SCARB1: variants seen among roughly 807,000 people sequenced by gnomAD.
The protein encoded by SCARB1 is CD36 and LIMPII analogous 1.
Under a neutral mutation model 57.2 loss-of-function variants are expected in SCARB1, and 30 were observed. The observed-to-expected ratio is 0.52, with a 90% CI of 0.39 to 0.71. The LOEUF (loss-of-function observed/expected upper bound fraction) is 0.71. Among genes scored for constraint, SCARB1 ranks in the 30% least tolerant of loss-of-function variants. The pLI is 0.00. For missense variants in SCARB1, 543 were observed against 671.2 expected (o/e 0.81, Z 2.11); for synonymous variants, 249 against 268.3 (o/e 0.93, Z 0.70).
intron 1 of SCARB1, among the ~76,000 whole-genome samples, chr12:124,829,706 C>T (rs1362697602): frequency 6.6e-6 from 1 of 152,210 alleles, no homozygotes; most frequent in African/African-American, 2.4e-5. Flanking sequence ...AGTCTAAAGT[C>T]ACTTTCTCCG....
intron 8 of SCARB1, among the ~76,000 whole-genome samples, chr12:124,799,494 C>T (rs766362482): frequency 2.7e-4 from 41 of 151,790 alleles, no homozygotes; most frequent in Non-Finnish European, 4.4e-4. Flanking sequence ...GCCACTGCAC[C>T]CCAGCCTGGG....
intron 7 of SCARB1, among the ~76,000 whole-genome samples, chr12:124,802,104 T>C (rs4765610): frequency 0.44 from 64,350 of 147,470 alleles, 14,326 homozygotes; most frequent in Non-Finnish European, 0.47. Flanking sequence ...GAGCCAAGAT[T>C]GCACCATTGC....
chr12:124,825,166 A>G (rs190647979), intron 1 of SCARB1, among the ~76,000 whole-genome samples: 5 of 145,780 alleles, frequency 3.4e-5, no homozygotes, highest in Admixed American at 7.2e-5. Flanking sequence ...CGGAGGTTGC[A>G]GCGAGCCAAA....
At chr12:124,802,197 G>A (rs1950158697) in intron 7 of SCARB1, among the ~76,000 whole-genome samples, 2 of 149,794 alleles carry the variant, frequency 1.3e-5, no homozygotes, top group South Asian at 4.2e-4. Flanking sequence ...GGAAAATAAT[G>A]ATGTTGTAAG....
rs554341110 is a variant in SCARB1, at chr12:124,859,795, C to A, written c.126+3800G>T. 9.9e-5 allele frequency among the ~76,000 whole-genome samples: 15 copies of A among 152,082 alleles called. No individual in the cohort carries two copies. The East Asian group carries it at 2.9e-3, about 29-fold the overall frequency. Reference sequence around the variant, plus strand: ...GACCAGCCTGGGTAACATAGTGAGACCTTGTCTCTACGAAAATAAAAATAA... The same window carrying A: ...GACCAGCCTGGGTAACATAGTGAGAACTTGTCTCTACGAAAATAAAAATAA... On this transcript the variant is annotated intron_variant, in intron 1 of 12. Transcript: ENST00000261693.
At chr12:124,823,426 G>A (rs761510140) in intron 1 of SCARB1, among the ~76,000 whole-genome samples, 8 of 152,124 alleles carry the variant, frequency 5.3e-5, no homozygotes, top group Non-Finnish European at 1.2e-4. Context: ...AAGTCACAAT[G>A]GGCCACCACT....
chr12:124,821,530 T>G, intron 1 of SCARB1: 1 of 985,372 alleles, frequency 1.0e-6, no homozygotes, highest in African/African-American at 1.7e-5. Flanking sequence ...GCCCTGGGTT[T>G]CAGCCCATTC....
At chr12:124,863,543 C>A (rs1394820872) in intron 1 of SCARB1, 52 bp downstream of exon 1, 9 of 1,574,534 alleles carry the variant, frequency 5.7e-6, no homozygotes, top group South Asian at 2.3e-5. Context: ...CGGCGCCCAG[C>A]GCCCAACAGC....
In SCARB1 at chr12:124,814,121, CTGGTG is replaced by C. The variant is rs1412275878; in HGVS notation, c.630+76_630+80del. ...GATCCCCAGCCAGCTACAAAGCAAG[CTGGTG>C]ACCAGTGTCCAGGCTGTGTGAGGGG... On this transcript the variant is annotated intron_variant, in intron 4 of 12. Coordinates refer to ENST00000261693, the MANE Select transcript of SCARB1 (RefSeq NM_005505.5). This position sits in a 1 kb window ranked among gnomAD's most constrained non-coding sequence, Gnocchi z 4.7. 1.3e-4 allele frequency: 176 copies of C among 1,335,858 alleles called. No individual in the cohort carries two copies. Among genetic ancestry groups the C allele is most frequent in the Admixed American group, 2.2e-4 (13 of 59,656 alleles). The allele number at this position is 1,335,858 out of a possible 1,614,324, so 82.8% of individuals were successfully genotyped here. A position where few individuals can be genotyped will look rare whatever the true frequency, so the allele number is the denominator to read the frequency against.
Position 124,816,117 on chromosome 12 carries a change from C to T in SCARB1, c.285-1003G>A, listed in dbSNP as rs1950705903. Among the ~76,000 whole-genome samples the T allele has an allele frequency of 2.0e-5, 3 of 152,188 alleles. No homozygotes were observed. The South Asian group carries it at 6.2e-4, about 32-fold the overall frequency. On this transcript the variant is annotated intron_variant, in intron 2 of 12. Transcript: ENST00000261693. The stretch of plus-strand genomic sequence containing the variant: ...CACCATGCGGGTCCAGTGAGTGTCC[C>T]TTTGCAGATGTGCTCCCGACCCTCC...
In SCARB1 at chr12:124,810,827, G is replaced by C. The variant is rs1489965275; in HGVS notation, c.727-538C>G. On this transcript the variant is annotated intron_variant, in intron 5 of 12. Coordinates refer to ENST00000261693, the MANE Select transcript of SCARB1 (RefSeq NM_005505.5). The surrounding 1 kb of genome is among the most constrained non-coding windows in gnomAD (Gnocchi z 4.0). ...AGGATGTTTAAAATCACGTGCACAT[G>C]TACAGTATATTGGAATATACAAGCC... 1.3e-5 allele frequency among the ~76,000 whole-genome samples: 2 copies of C among 152,200 alleles called. No homozygotes were observed. Among genetic ancestry groups the C allele is most frequent in the African/African-American group, 2.4e-5 (1 of 41,444 alleles).
At chr12:124,854,416 G>A (rs1225339523) in intron 1 of SCARB1, among the ~76,000 whole-genome samples, 1 of 152,224 alleles carries the variant, frequency 6.6e-6, no homozygotes, top group East Asian at 1.9e-4. Flanking sequence ...GTGACTCCTA[G>A]GGGACGGGTC....
chr12:124,778,513 A>G lies in SCARB1; in HGVS notation c.*74T>C. On this transcript the variant is annotated 3_prime_UTR_variant, in exon 13 of 13. Coordinates refer to ENST00000261693, the MANE Select transcript of SCARB1 (RefSeq NM_005505.5). ...CTGTCCGCTGGGAGAGTCCGGGAGAAGCGGGGTGTAGGGGCTGGGGGGCCG... is the reference window on the plus strand; with the variant it reads ...CTGTCCGCTGGGAGAGTCCGGGAGAGGCGGGGTGTAGGGGCTGGGGGGCCG... The G allele has an allele frequency of 1.5e-6, 2 of 1,342,642 alleles. No individual in the cohort carries two copies. The highest frequency in any genetic ancestry group is 2.3e-4 in the Middle Eastern group (1 of 4,298). The allele number at this position is 1,342,642 out of a possible 1,614,324, so 83.2% of individuals were successfully genotyped here. A position where few individuals can be genotyped will look rare whatever the true frequency, so the allele number is the denominator to read the frequency against.
Position 124,807,756 on chromosome 12 carries a change from C to A in SCARB1, c.1009+5G>T, listed in dbSNP as rs751827636. On this transcript the variant is annotated splice_donor_5th_base_variant and intron_variant, in intron 7 of 12. Coordinates refer to ENST00000261693, the MANE Select transcript of SCARB1 (RefSeq NM_005505.5). This position sits in a 1 kb window ranked among gnomAD's most constrained non-coding sequence, Gnocchi z 5.3. Reference sequence around the variant, plus strand: ...CGCCATCCCAGCACAGGGGACGGCACGTACTGAACCTGCAGGTGCTGACGT... The same window carrying A: ...CGCCATCCCAGCACAGGGGACGGCAAGTACTGAACCTGCAGGTGCTGACGT... The A allele has an allele frequency of 1.2e-6, 2 of 1,614,034 alleles. No individual in the cohort carries two copies. The highest frequency in any genetic ancestry group is 1.7e-6 in the Non-Finnish European group (2 of 1,179,954).
intron 1 of SCARB1, chr12:124,839,093 G>A (rs968613369): frequency 2.7e-6 from 1 of 368,590 alleles, no homozygotes; most frequent in African/African-American, 2.1e-5. Context: ...CCATTTTTAA[G>A]TGTACAGTTC....
intron 2 of SCARB1, among the ~76,000 whole-genome samples, 197 bp from the exon 3 acceptor site, chr12:124,815,311 G>A (rs558600625): frequency 1.3e-5 from 2 of 152,254 alleles, no homozygotes; most frequent in Admixed American, 6.5e-5. Flanking sequence ...ACATGGTGTC[G>A]CCGCCCACCC....
rs73227555 is a variant in SCARB1 at position 124,781,680 on chromosome 12, G to A, written c.*1003C>T. 5.0e-3 allele frequency among the ~76,000 whole-genome samples: 768 copies of A among 152,280 alleles called. 5 individuals are homozygous for A. The highest frequency in any genetic ancestry group is 8.3e-3 in the Non-Finnish European group (566 of 68,030). Reference sequence around the variant, plus strand: ...CTACAGACAGGTTTTCAGGATACGTGCGTCCTATCATTGCACAGGAACACA... The same window carrying A: ...CTACAGACAGGTTTTCAGGATACGTACGTCCTATCATTGCACAGGAACACA... On this transcript the variant is annotated intron_variant, in intron 12 of 12. Transcript: ENST00000261693.
intron 9 of SCARB1, among the ~76,000 whole-genome samples, chr12:124,790,196 G>A (rs903512767): frequency 1.3e-5 from 2 of 151,828 alleles, no homozygotes; most frequent in Non-Finnish European, 2.9e-5. Context: ...GCAACATAGT[G>A]AGACCCCTGT....
chr12:124,862,195 A>C (rs1313626632), intron 1 of SCARB1, among the ~76,000 whole-genome samples: 1 of 152,234 alleles, frequency 6.6e-6, no homozygotes, highest in South Asian at 2.1e-4. Flanking sequence ...TCAGTGTAAC[A>C]GAGAAAGCCT....
Sources: allele counts gnomAD v4.1 joint callset (sites outside exome capture counted in the v4.1 genomes callset), GRCh38; gene constraint gnomAD v4.1.1; non-coding constraint Gnocchi (gnomAD v3.1); transcripts MANE v1.5; gene names NCBI Gene and HGNC (gene_info 2026-07-23, HGNC 2026-07-21).